The following KCNH1 variants were observed in gnomAD, a reference collection of about 807,000 sequenced individuals.
The protein encoded by KCNH1 is potassium voltage-gated channel subfamily H member 1.
Under a neutral mutation model 69.2 loss-of-function variants are expected in KCNH1, and 27 were observed. The observed-to-expected ratio is 0.39, with a 90% CI of 0.29 to 0.54. KCNH1 has a LOEUF of 0.54. KCNH1 is among the 20% of genes least tolerant of loss of function. KCNH1 has a pLI of 0.68. For missense variants in KCNH1, 798 were observed against 1,261.6 expected (o/e 0.63, Z 5.57); for synonymous variants, 456 against 487.7 (o/e 0.93, Z 0.86).
At chr1:210,940,755 G>T (rs1201487907) in intron 6 of KCNH1, among the ~76,000 whole-genome samples, 1 of 152,058 alleles carries the variant, frequency 6.6e-6, no homozygotes, top group African/African-American at 2.4e-5. Flanking sequence ...AAGAGAATCT[G>T]GTTTTATCAA....
intron 10 of KCNH1, among the ~76,000 whole-genome samples, chr1:210,693,132 C>A (rs966109885): frequency 6.6e-6 from 1 of 152,230 alleles, no homozygotes; most frequent in Non-Finnish European, 1.5e-5. Flanking sequence ...GTGCTGGTTT[C>A]AGACCCTGAG....
At chr1:210,812,294 A>G (rs912311543) in intron 7 of KCNH1, among the ~76,000 whole-genome samples, 3 of 152,116 alleles carry the variant, frequency 2.0e-5, no homozygotes, top group Non-Finnish European at 4.4e-5. Context: ...ATAGACTTTA[A>G]CACCCTCCTT....
chr1:211,107,382 T>TAA lies in KCNH1; in HGVS notation c.80-7_80-6dup, dbSNP rs56223346. The TAA allele has an allele frequency of 4.0e-4, 585 of 1,464,628 alleles. No homozygotes were observed. The African/African-American group carries it at 6.5e-3, about 16-fold the overall frequency. The allele number at this position is 1,464,628 out of a possible 1,614,324, so 90.7% of individuals were successfully genotyped here. A position where few individuals can be genotyped will look rare whatever the true frequency, so the allele number is the denominator to read the frequency against. ...TCCCCAACACAAAATTAGTATCTGT[T>TAA]AAAAAAAAAAAAAAGGGAAAAAAGG... On this transcript the variant is annotated splice_polypyrimidine_tract_variant and splice_region_variant and intron_variant, in intron 1 of 10. Coordinates refer to ENST00000271751, the MANE Select transcript of KCNH1 (RefSeq NM_172362.3).
chr1:210,876,367 C>A (rs1686373122), intron 7 of KCNH1, among the ~76,000 whole-genome samples: 1 of 152,166 alleles, frequency 6.6e-6, no homozygotes, highest in East Asian at 1.9e-4. Context: ...TCCTCCCATC[C>A]TACATCTACT....
At chr1:211,075,090 G>A (rs1169900529) in intron 5 of KCNH1, among the ~76,000 whole-genome samples, 1 of 152,218 alleles carries the variant, frequency 6.6e-6, no homozygotes, top group Admixed American at 6.5e-5. Context: ...CCGAATAAGA[G>A]TGAGCAAGGG....
chr1:210,938,531 A>G (rs980525615), intron 6 of KCNH1, among the ~76,000 whole-genome samples: 1 of 152,226 alleles, frequency 6.6e-6, no homozygotes, highest in Admixed American at 6.5e-5. Context: ...AAATTCCTTT[A>G]GTTTAGCAAA....
intron 5 of KCNH1, among the ~76,000 whole-genome samples, chr1:211,056,347 GC>G (rs920477083): frequency 2.0e-5 from 3 of 152,188 alleles, no homozygotes; most frequent in Non-Finnish European, 4.4e-5. Flanking sequence ...TTGTCTCATG[GC>G]TTGGGTGCCA....
At chr1:211,055,140 T>C (rs765252945) in intron 5 of KCNH1, among the ~76,000 whole-genome samples, 3 of 152,016 alleles carry the variant, frequency 2.0e-5, no homozygotes, top group Admixed American at 6.6e-5. Flanking sequence ...GGTTTCAACG[T>C]CATATAAAAA....
intron 6 of KCNH1, among the ~76,000 whole-genome samples, chr1:210,946,707 T>C (rs567470892): frequency 1.9e-4 from 29 of 152,226 alleles, no homozygotes; most frequent in African/African-American, 6.7e-4. Flanking sequence ...TCCTGCCTTC[T>C]CTCCCGCCGT....
chr1:210,869,796 T>A (rs1686198819), intron 7 of KCNH1, among the ~76,000 whole-genome samples: 1 of 152,166 alleles, frequency 6.6e-6, no homozygotes, highest in Non-Finnish European at 1.5e-5. Flanking sequence ...TTACCCTGGC[T>A]GGTCATAACT....
intron 10 of KCNH1, among the ~76,000 whole-genome samples, chr1:210,691,611 T>C (rs1681528975): frequency 6.6e-6 from 1 of 152,268 alleles, no homozygotes; most frequent in East Asian, 1.9e-4. Flanking sequence ...GTTGATGACC[T>C]CCACTAGTGT....
chr1:211,098,863 G>T (rs571338076), intron 3 of KCNH1, among the ~76,000 whole-genome samples: 1 of 152,290 alleles, frequency 6.6e-6, no homozygotes, highest in Non-Finnish European at 1.5e-5. Flanking sequence ...TGCTGGTGAG[G>T]CATAATGAGT....
intron 10 of KCNH1, among the ~76,000 whole-genome samples, chr1:210,695,185 G>A (rs921206978): frequency 2.6e-5 from 4 of 152,222 alleles, no homozygotes; most frequent in African/African-American, 9.6e-5. Context: ...ATGAGAGGGG[G>A]CAATGGAGAG....
chr1:210,881,204 C>T (rs1488238895), intron 7 of KCNH1, among the ~76,000 whole-genome samples: 1 of 152,062 alleles, frequency 6.6e-6, no homozygotes, highest in African/African-American at 2.4e-5. Flanking sequence ...GCTTTCACTA[C>T]ATTGCCCAGG....
intron 6 of KCNH1, among the ~76,000 whole-genome samples, chr1:210,942,834 G>C (rs1227990720): frequency 1.3e-5 from 2 of 151,308 alleles, no homozygotes; most frequent in African/African-American, 4.8e-5. Flanking sequence ...CCTAGGTATT[G>C]GTCTTTCTAA....
chr1:210,839,835 T>C (rs769293737), intron 7 of KCNH1, among the ~76,000 whole-genome samples: 3 of 152,188 alleles, frequency 2.0e-5, no homozygotes, highest in African/African-American at 4.8e-5. Flanking sequence ...TGTATTCATA[T>C]TGGGAAAAGT....
intron 5 of KCNH1, among the ~76,000 whole-genome samples, chr1:211,070,653 G>C (rs759033856): frequency 1.3e-5 from 2 of 151,640 alleles, no homozygotes; most frequent in East Asian, 3.9e-4. Flanking sequence ...GCGAAACCCC[G>C]TCTCTACTAA....
intron 7 of KCNH1, among the ~76,000 whole-genome samples, chr1:210,886,268 C>G (rs1686603686): frequency 6.6e-6 from 1 of 152,140 alleles, no homozygotes; most frequent in African/African-American, 2.4e-5. Context: ...TGGAGTGGAC[C>G]TCCAGCAAAC....
intron 9 of KCNH1, among the ~76,000 whole-genome samples, chr1:210,785,276 A>G (rs1387029092): frequency 3.3e-5 from 5 of 152,212 alleles, no homozygotes; most frequent in Non-Finnish European, 4.4e-5. Flanking sequence ...AATTTTTCCA[A>G]AAAGCAGGAA....
Sources: gnomAD v4.1 joint callset for allele counts (sites outside exome capture counted in the v4.1 genomes callset) on GRCh38, gnomAD v4.1.1 for gene constraint, MANE v1.5 for transcripts, NCBI Gene and HGNC (gene_info 2026-07-23, HGNC 2026-07-21) for gene names.